The following BMPR1B variants were observed in gnomAD, a reference collection of about 807,000 sequenced individuals.
BMPR1B encodes bone morphogenetic protein receptor type 1B, also known as bone morphogenetic protein receptor type-1B.
A neutral mutation model predicts 59.1 loss-of-function variants in BMPR1B; 12 were observed. That is an observed-to-expected ratio of 0.20 (90% confidence interval 0.13 to 0.33). The LOEUF is 0.33. Among genes scored for constraint, BMPR1B ranks in the 10% least tolerant of loss-of-function variants. The pLI, the probability that BMPR1B is intolerant of heterozygous loss-of-function variation, is 1.00. For missense variants in BMPR1B, 550 were observed against 610.9 expected, an observed-to-expected ratio of 0.90 and a Z score of 1.05; for synonymous variants, 237 against 207.3, an observed-to-expected ratio of 1.14 and a Z score of -1.23.
chr4:94,892,206 G>T (rs536098307), intron 2 of BMPR1B, among the ~76,000 whole-genome samples: 17 of 152,194 alleles, frequency 1.1e-4, no homozygotes, highest in Admixed American at 1.1e-3. Context: ...TCTGGAATGT[G>T]TTGTCCCAGT....
chr4:95,156,943 C>A lies in BMPR1B; in HGVS notation c.*2270C>A, dbSNP rs759961764. 2 of 152,016 alleles carry A rather than the reference C, an allele frequency of 1.3e-5. No individual in the cohort carries two copies. The highest frequency in any genetic ancestry group is 2.4e-5 in the African/African-American group (1 of 41,408). 9.4% of individuals were successfully genotyped at this position (152,016 alleles called of 1,614,324 possible). A position where few individuals can be genotyped will look rare whatever the true frequency, so the allele number is the denominator to read the frequency against. On this transcript the variant is annotated 3_prime_UTR_variant, in exon 13 of 13. Transcript: ENST00000515059. ...AGTTAAGTGGGTCATGTTTTTGTTT[C>A]TTGGGTTTTTCCTAAATTTAAGTGA...
At chr4:94,882,702 A>G (rs900376440) in intron 2 of BMPR1B, among the ~76,000 whole-genome samples, 1 of 152,240 alleles carries the variant, frequency 6.6e-6, no homozygotes, top group Non-Finnish European at 1.5e-5. Context: ...TTTGAAAGAT[A>G]CAGTGTTTGT....
chr4:94,871,295 A>C (rs887248037), intron 1 of BMPR1B, among the ~76,000 whole-genome samples: 1 of 152,192 alleles, frequency 6.6e-6, no homozygotes, highest in Non-Finnish European at 1.5e-5. Context: ...TCCTTTGTAA[A>C]GTAAGATATT....
At chr4:94,974,327 T>C (rs1186971225) in intron 2 of BMPR1B, among the ~76,000 whole-genome samples, 1 of 152,002 alleles carries the variant, frequency 6.6e-6, no homozygotes, top group East Asian at 1.9e-4. Flanking sequence ...ATAACATTTT[T>C]AATCATTCAT....
At chr4:95,103,196 C>T (rs763234423) in intron 3 of BMPR1B, among the ~76,000 whole-genome samples, 6 of 151,568 alleles carry the variant, frequency 4.0e-5, no homozygotes, top group Non-Finnish European at 7.4e-5. Context: ...TTGAATAATT[C>T]GTTATACATG....
chr4:95,031,459 T>G (rs1024411487), intron 3 of BMPR1B, among the ~76,000 whole-genome samples: 1 of 151,980 alleles, frequency 6.6e-6, no homozygotes, highest in African/African-American at 2.4e-5. Context: ...GCAGATATAT[T>G]TTTTTTGAGA....
chr4:94,840,581 A>G (rs1396520472), intron 1 of BMPR1B, among the ~76,000 whole-genome samples: 3 of 144,726 alleles, frequency 2.1e-5, no homozygotes, highest in Non-Finnish European at 4.6e-5. Flanking sequence ...TGCATTCTTC[A>G]CGTAGTTCTC....
intron 3 of BMPR1B, among the ~76,000 whole-genome samples, chr4:95,011,312 A>AACAT (rs1172142018): frequency 6.6e-6 from 1 of 152,164 alleles, no homozygotes; most frequent in Non-Finnish European, 1.5e-5. Context: ...TATAAGTGAG[A>AACAT]ACATACAGTA....
At chr4:95,089,300 T>A (rs1001294973) in intron 3 of BMPR1B, among the ~76,000 whole-genome samples, 3 of 152,138 alleles carry the variant, frequency 2.0e-5, no homozygotes, top group Admixed American at 6.5e-5. Context: ...GCATCCCAGA[T>A]ACAGGCTTTT....
intron 1 of BMPR1B, among the ~76,000 whole-genome samples, chr4:94,843,464 C>T (rs1299107079): frequency 6.6e-6 from 1 of 152,118 alleles, no homozygotes; most frequent in Non-Finnish European, 1.5e-5. Context: ...GTCTTGGTTC[C>T]TTTCAGGTGT....
chr4:95,135,826 C>T (rs1046414220), intron 10 of BMPR1B, among the ~76,000 whole-genome samples: 35 of 152,134 alleles, frequency 2.3e-4, no homozygotes, highest in African/African-American at 8.2e-4. Flanking sequence ...AATTTAACTT[C>T]CTCTTTTCCT....
intron 4 of BMPR1B, among the ~76,000 whole-genome samples, chr4:95,109,801 CT>C (rs1231086005): frequency 6.6e-6 from 1 of 151,370 alleles, no homozygotes; most frequent in East Asian, 2.0e-4. Context: ...TGTTGGTGTG[CT>C]GCACCCATTA....
chr4:95,051,463 C>T (rs1406068256), intron 3 of BMPR1B, among the ~76,000 whole-genome samples: 3 of 152,056 alleles, frequency 2.0e-5, no homozygotes, highest in Admixed American at 1.3e-4. Flanking sequence ...GAAAACAATC[C>T]GGCTCAGGGT....
At chr4:94,925,967 C>T (rs1196611424) in intron 2 of BMPR1B, among the ~76,000 whole-genome samples, 1 of 151,156 alleles carries the variant, frequency 6.6e-6, no homozygotes, top group African/African-American at 2.4e-5. Context: ...CTTCCTTCCT[C>T]CCCTCCTCCC....
intron 2 of BMPR1B, among the ~76,000 whole-genome samples, chr4:94,985,052 T>C (rs1373687671): frequency 1.3e-5 from 2 of 152,150 alleles, no homozygotes; most frequent in Non-Finnish European, 2.9e-5. Context: ...TGTGAACAGA[T>C]GGCATGGTAC....
At chr4:94,934,801 A>G (rs1417477906) in intron 2 of BMPR1B, among the ~76,000 whole-genome samples, 5 of 152,128 alleles carry the variant, frequency 3.3e-5, no homozygotes, top group South Asian at 2.1e-4. Flanking sequence ...TGATACTTCA[A>G]GATTCTGTGT....
intron 6 of BMPR1B, among the ~76,000 whole-genome samples, 167 bp from the exon 7 acceptor site, chr4:95,123,643 A>G (rs1230013717): frequency 6.6e-6 from 1 of 152,204 alleles, no homozygotes; most frequent in Admixed American, 6.6e-5. Context: ...AGTCAAACTT[A>G]TTTAATTTTG....
chr4:94,880,444 C>T (rs1726912239), intron 2 of BMPR1B, among the ~76,000 whole-genome samples: 1 of 152,050 alleles, frequency 6.6e-6, no homozygotes. Context: ...ACCTCAGCCT[C>T]CTGAGTAGCA....
chr4:94,807,480 T>A (rs1723648117), intron 1 of BMPR1B, among the ~76,000 whole-genome samples: 1 of 151,808 alleles, frequency 6.6e-6, no homozygotes, highest in Non-Finnish European at 1.5e-5. Flanking sequence ...TGTAAATCAA[T>A]TTACTGATAA....
Sources: allele counts gnomAD v4.1 joint callset (sites outside exome capture counted in the v4.1 genomes callset), GRCh38; gene constraint gnomAD v4.1.1; transcripts MANE v1.5; gene names NCBI Gene and HGNC (gene_info 2026-07-23, HGNC 2026-07-21).